DOCK9: variants seen among roughly 807,000 people sequenced by gnomAD.
The protein encoded by DOCK9 is dedicator of cytokinesis protein 9.
In DOCK9, 89 loss-of-function variants were observed where a neutral mutation model predicts 263.3. That is an observed-to-expected ratio of 0.34 (90% CI 0.28 to 0.40). The LOEUF is 0.40. Among genes scored for constraint, DOCK9 ranks in the 10% least tolerant of loss-of-function variants. The pLI, the probability that DOCK9 is intolerant of heterozygous loss-of-function variation, is 1.00. For missense variants in DOCK9, 2,140 were observed against 2,603.4 expected, an observed-to-expected ratio of 0.82 and a Z score of 3.87; for synonymous variants, 976 against 973.1, an observed-to-expected ratio of 1.00 and a Z score of -0.06.
chr13:99,047,760 C>T (rs374143883), intron 1 of DOCK9, among the ~76,000 whole-genome samples: 1 of 151,860 alleles, frequency 6.6e-6, no homozygotes, highest in Admixed American at 6.6e-5. Flanking sequence ...TGACTTCAGG[C>T]GATCCACCCA....
At chr13:98,845,834 T>G in intron 38 of DOCK9, 90 bp downstream of exon 38, 1 of 1,507,386 alleles carries the variant, frequency 6.6e-7, no homozygotes, top group Non-Finnish European at 9.0e-7. Flanking sequence ...AAAATTGAGT[T>G]GGTGATGTGG....
chr13:98,841,889 T>C (rs1244277936), intron 38 of DOCK9, among the ~76,000 whole-genome samples: 2 of 152,080 alleles, frequency 1.3e-5, no homozygotes, highest in Admixed American at 6.6e-5. Context: ...GTGATCTGCC[T>C]GTCTCAGCCT....
chr13:99,051,164 A>G (rs999776138), intron 1 of DOCK9, among the ~76,000 whole-genome samples: 2 of 152,044 alleles, frequency 1.3e-5, no homozygotes, highest in African/African-American at 4.8e-5. Context: ...AGGGAAGGGG[A>G]GGTAATAGTG....
chr13:98,835,113 T>C (rs1057189671), intron 39 of DOCK9, among the ~76,000 whole-genome samples: 1 of 152,236 alleles, frequency 6.6e-6, no homozygotes, highest in African/African-American at 2.4e-5. Context: ...GTAATAATAA[T>C]ACCAGAATTC....
intron 1 of DOCK9, among the ~76,000 whole-genome samples, chr13:99,071,140 A>C (rs968959554): frequency 1.3e-5 from 2 of 151,700 alleles, no homozygotes; most frequent in South Asian, 4.2e-4. Context: ...GATATATATT[A>C]TACTGGTTTT....
chr13:98,952,345 C>T (rs556198274), intron 2 of DOCK9, among the ~76,000 whole-genome samples: 2 of 152,028 alleles, frequency 1.3e-5, no homozygotes, highest in Non-Finnish European at 2.9e-5. Context: ...AAGAGATTCT[C>T]CTGCCTCAGC....
At chr13:99,009,385 T>C (rs969101271) in intron 1 of DOCK9, among the ~76,000 whole-genome samples, 1 of 152,068 alleles carries the variant, frequency 6.6e-6, no homozygotes, top group Non-Finnish European at 1.5e-5. Flanking sequence ...AGAACTAAAA[T>C]GGAAAACAGC....
chr13:99,083,090 A>G (rs909649488), intron 1 of DOCK9, among the ~76,000 whole-genome samples: 1 of 152,098 alleles, frequency 6.6e-6, no homozygotes, highest in African/African-American at 2.4e-5. Context: ...CCTCATCTCT[A>G]CTAAAAACAC....
chr13:98,853,284 G>A, intron 35 of DOCK9, 124 bp downstream of exon 35: 1 of 605,106 alleles, frequency 1.7e-6, no homozygotes. Context: ...TTTAGTCAAT[G>A]AATATGCATT....
intron 27 of DOCK9, among the ~76,000 whole-genome samples, chr13:98,878,177 G>A (rs1358285048): frequency 6.6e-6 from 1 of 152,202 alleles, no homozygotes; most frequent in African/African-American, 2.4e-5. Flanking sequence ...AACCAGCCAT[G>A]TGCACAGCTT....
At chr13:98,834,474 T>C (rs1720185867) in intron 39 of DOCK9, 1 of 152,260 alleles carries the variant, frequency 6.6e-6, no homozygotes, top group African/African-American at 2.4e-5. Context: ...AAGCCTCCGG[T>C]GCCCATGTGC....
intron 47 of DOCK9, chr13:98,809,048 T>C: frequency 1.3e-6 from 2 of 1,507,414 alleles, no homozygotes; most frequent in Non-Finnish European, 1.8e-6. Context: ...ACATACAGAC[T>C]TGAAAAGCAA....
chr13:98,987,047 A>G (rs1217960001), intron 1 of DOCK9, among the ~76,000 whole-genome samples: 2 of 152,162 alleles, frequency 1.3e-5, no homozygotes, highest in African/African-American at 4.8e-5. Flanking sequence ...AGGTCACTGC[A>G]GCACCATCAC....
In DOCK9 at chr13:99,010,516, A is replaced by G. The variant is rs138776741; in HGVS notation, c.130-54965T>C. On this transcript the variant is annotated intron_variant, in intron 1 of 32. Transcript: ENST00000427887. ...CATCATTTTTGTACACTCAGCACAC[A>G]TAAGCAATCAAGACTGCTTCCTAAA... is the stretch of plus-strand genomic sequence containing the variant. Among the ~76,000 whole-genome samples, 23 of 152,346 alleles carry G rather than the reference A, an allele frequency of 1.5e-4. No individual in the cohort carries two copies. The East Asian group carries it at 4.2e-3, about 28-fold the overall frequency.
intron 1 of DOCK9, among the ~76,000 whole-genome samples, chr13:99,041,945 GC>G (rs1595967902): frequency 6.6e-6 from 1 of 152,316 alleles, no homozygotes; most frequent in East Asian, 1.9e-4. Flanking sequence ...AGAGAGAATG[GC>G]CCTGCCAGGC....
At chr13:98,944,262 A>G (rs1332892759) in intron 2 of DOCK9, among the ~76,000 whole-genome samples, 2 of 152,140 alleles carry the variant, frequency 1.3e-5, no homozygotes, top group Non-Finnish European at 2.9e-5. Flanking sequence ...GTGGTATTTC[A>G]TACGTGTGTG....
chr13:98,885,735 TC>T lies in DOCK9; in HGVS notation c.2232del (p.Lys745ArgfsTer18). The T allele has an allele frequency of 6.2e-7, 1 of 1,611,726 alleles. No homozygotes were observed. The highest frequency in any genetic ancestry group is 8.5e-7 in the Non-Finnish European group (1 of 1,179,354). ...TGGGTTTCAACGACATCCCTCTTCT[TC>T]GTGCTTCCTTTACTTGAGTTGTCAC... ...VSCDNSSKGS[T>X]KKRDVVETQV... On this transcript the variant is annotated frameshift_variant, in exon 20 of 53. Transcript: ENST00000682017. LOFTEE classifies it high-confidence loss of function.
At chr13:98,832,074 T>C (rs2092787140) in intron 39 of DOCK9, 3 of 329,896 alleles carry the variant, frequency 9.1e-6, no homozygotes, top group Non-Finnish European at 1.7e-5. Context: ...TCATTTTTAC[T>C]GTCCACCAGC....
At chr13:98,989,006 C>T (rs1879119174) in intron 1 of DOCK9, among the ~76,000 whole-genome samples, 9 of 152,190 alleles carry the variant, frequency 5.9e-5, no homozygotes. Flanking sequence ...CTGGCCCTTC[C>T]TCACCACTCC....
Sources: allele counts gnomAD v4.1 joint callset (sites outside exome capture counted in the v4.1 genomes callset), GRCh38; gene constraint gnomAD v4.1.1; transcripts MANE v1.5; gene names NCBI Gene and HGNC (gene_info 2026-07-23, HGNC 2026-07-21).